Variants in FHOD1 observed in about 807,000 individuals in gnomAD.
FHOD1 encodes FH1/FH2 domain-containing protein 1.
A neutral mutation model predicts 111.6 loss-of-function variants in FHOD1; 89 were observed. That is an observed-to-expected ratio of 0.80 (90% confidence interval 0.67 to 0.95). FHOD1 has a LOEUF of 0.95. Among genes scored for constraint, FHOD1 ranks in the 40% least tolerant of loss-of-function variants. The probability of loss-of-function intolerance (pLI) is 0.00; values close to 1 mark genes in which losing one functional copy is unlikely to be tolerated. For synonymous variants in FHOD1, 618 were observed against 639.0 expected, an observed-to-expected ratio of 0.97 and a Z score of 0.50; for missense variants, 1,446 against 1,554.2, an observed-to-expected ratio of 0.93 and a Z score of 1.17.
At chr16:67,246,682 G>T (rs750616840) in intron 1 of FHOD1, among the ~76,000 whole-genome samples, 1 of 152,196 alleles carries the variant, frequency 6.6e-6, no homozygotes, top group Non-Finnish European at 1.5e-5. Flanking sequence ...CTCACCCCGT[G>T]AAGTCTCTCC....
At position 67,237,403 on chromosome 16, in the gene FHOD1, G is replaced by T. The variant is rs375478620; in HGVS notation, c.850-21C>A. ...AGCGTCTGGAGGGCGGGGATAAGAA[G>T]GCAAGGCTGAGGTTGGTGGGGAGGT... On this transcript the variant is annotated intron_variant, in intron 8 of 21. Coordinates refer to ENST00000258201, the MANE Select transcript of FHOD1 (RefSeq NM_013241.3). This position sits in a 1 kb window ranked among gnomAD's most constrained non-coding sequence, Gnocchi z 5.6. 88 of 1,613,818 alleles carry T rather than the reference G, an allele frequency of 5.5e-5. No individual in the cohort carries two copies. Among genetic ancestry groups the T allele is most frequent in the Middle Eastern group, 1.6e-4 (1 of 6,062 alleles).
chr16:67,238,441 A>G lies in FHOD1; in HGVS notation c.380T>C (p.Leu127Pro), dbSNP rs1267728082. 1.2e-6 allele frequency: 2 copies of G among 1,613,720 alleles called. No individual in the cohort carries two copies. The highest frequency in any genetic ancestry group is 1.7e-6 in the Non-Finnish European group (2 of 1,179,824). ...SVRVNAILEK[L>P]YSSSGPELRR... ...GAGCTCAGGACCACTGGAGCTATACAGCTTTTCTGCAAAAGGTAGGGTATA... is the reference window on the plus strand; with the variant it reads ...GAGCTCAGGACCACTGGAGCTATACGGCTTTTCTGCAAAAGGTAGGGTATA... Residue 127 changes from leucine to proline, a missense_variant, in exon 4 of 22, where the codon CTG (leucine) becomes CCG (proline). Coordinates refer to ENST00000258201, the MANE Select transcript of FHOD1 (RefSeq NM_013241.3). This position sits in a 1 kb window ranked among gnomAD's most constrained non-coding sequence, Gnocchi z 4.2.
rs2034474473 is a variant in FHOD1, at chr16:67,236,359, A to T, written c.1319+198T>A. The T allele has an allele frequency of 8.4e-6, 12 of 1,429,966 alleles. No homozygotes were observed. In the South Asian group the frequency reaches 1.8e-4, roughly 21 times the overall value. The allele number at this position is 1,429,966 out of a possible 1,614,324, so 88.6% of individuals were successfully genotyped here. A position where few individuals can be genotyped will look rare whatever the true frequency, so the allele number is the denominator to read the frequency against. ...CGTCGGAGGAGACAAAGGAAACCAC[A>T]GGAGGAGGAGATCCAGTCAGAGCCG... On this transcript the variant is annotated intron_variant, in intron 11 of 21. Transcript: ENST00000258201.
chr16:67,247,401 C>T lies in FHOD1; in HGVS notation c.10G>A (p.Gly4Arg). Residue 4 changes from glycine (G) to arginine (R), a missense_variant, in exon 1 of 22, where the codon GGG (glycine) becomes AGG (arginine). Gly to Arg is a moderately radical substitution (Grantham distance 125). Transcript: ENST00000258201. MAGGEDRGDGEPVS... is the reference protein window; with the variant it reads MAGREDRGDGEPVS... ...GGCTCTCCGTCCCCGCGGTCTTCCC[C>T]GCCCGCCATGGCTCTGCGGCCGGCT... 3.1e-6 allele frequency: 5 copies of T among 1,612,652 alleles called. No individual in the cohort carries two copies. In the South Asian group the frequency reaches 4.4e-5, roughly 14 times the overall value.
intron 11 of FHOD1, chr16:67,234,700 C>T: frequency 1.9e-6 from 1 of 526,938 alleles, no homozygotes; most frequent in South Asian, 2.8e-5. Context: ...GGTGAAAACA[C>T]AGGGAGAGGA....
chr16:67,237,183 C>G lies in FHOD1; in HGVS notation c.993+56G>C. On this transcript the variant is annotated intron_variant, in intron 9 of 21. Transcript: ENST00000258201. This position sits in a 1 kb window ranked among gnomAD's most constrained non-coding sequence, Gnocchi z 5.6. Reference sequence around the variant, plus strand: ...TGCAGGTGGGGTGGGGCGCTGGGGACTGCGCTTCTCTCTTCCCTCTTTCCA... The same window carrying G: ...TGCAGGTGGGGTGGGGCGCTGGGGAGTGCGCTTCTCTCTTCCCTCTTTCCA... The G allele has an allele frequency of 1.9e-6, 3 of 1,603,072 alleles. No homozygotes were observed. Among genetic ancestry groups the G allele is most frequent in the Non-Finnish European group, 2.6e-6 (3 of 1,172,566 alleles).
chr16:67,238,191 G>T lies in FHOD1; in HGVS notation c.547+11C>A, dbSNP rs1423842159. On this transcript the variant is annotated intron_variant, in intron 5 of 21. Coordinates refer to ENST00000258201, the MANE Select transcript of FHOD1 (RefSeq NM_013241.3). The surrounding 1 kb of genome is among the most constrained non-coding windows in gnomAD (Gnocchi z 4.2). ...CTGGAGCAGAGGTCATGGGAGAGGG[G>T]CGGGGCTGACCTCTAAGGATGTAGC... is the stretch of plus-strand genomic sequence containing the variant. The T allele has an allele frequency of 6.2e-7, 1 of 1,613,712 alleles. No individual in the cohort carries two copies. Among genetic ancestry groups the T allele is most frequent in the African/African-American group, 1.3e-5 (1 of 74,926 alleles).
At chr16:67,232,236 G>C in intron 13 of FHOD1, 42 bp from the exon 14 acceptor site, 1 of 1,606,012 alleles carries the variant, frequency 6.2e-7, no homozygotes, top group Non-Finnish European at 8.5e-7. Flanking sequence ...TGAGGAAGGG[G>C]GCCTGACGCG....
At chr16:67,239,995 A>C (rs979970579) in intron 1 of FHOD1, among the ~76,000 whole-genome samples, 1 of 152,212 alleles carries the variant, frequency 6.6e-6, no homozygotes, top group African/African-American at 2.4e-5. Flanking sequence ...GTGATAAGCT[A>C]TAGTCACAAA....
intron 13 of FHOD1, among the ~76,000 whole-genome samples, chr16:67,233,131 G>A (rs544410814): frequency 6.6e-6 from 1 of 151,598 alleles, no homozygotes; most frequent in Middle Eastern, 3.4e-3. Flanking sequence ...TTGTCCCCCA[G>A]GCTGGAGTGC....
chr16:67,229,487 CACAT>C lies in FHOD1; in HGVS notation c.*145_*148del. On this transcript the variant is annotated 3_prime_UTR_variant, in exon 22 of 22. Transcript: ENST00000258201. Reference sequence around the variant, plus strand: ...GCACACACACACATACACACACACTCACATGCATACACACACGGCTAATACTGCT... The same window carrying C: ...GCACACACACACATACACACACACTCGCATACACACACGGCTAATACTGCT... 1 of 697,518 alleles carries C rather than the reference CACAT, an allele frequency of 1.4e-6. No individual in the cohort carries two copies. The highest frequency in any genetic ancestry group is 2.6e-6 in the Non-Finnish European group (1 of 386,206). 43.2% of individuals were successfully genotyped at this position (697,518 alleles called of 1,614,324 possible).
At position 67,230,780 on chromosome 16, in the gene FHOD1, T is replaced by C. The variant is rs1313752045; in HGVS notation, c.2679A>G (p.Glu893=). The C allele has an allele frequency of 2.5e-6, 4 of 1,596,294 alleles. No homozygotes were observed. The highest frequency in any genetic ancestry group is 2.2e-5 in the East Asian group (1 of 44,690). ...GCTGCCCCAGGTTCTCAGTCAGCTG[T>C]TCAAAGTCCACCTGAGAAAGCAAGG... ...ALTRCAKVDF[E]QLTENLGQLE... The change falls in exon 18 of 22, where the codon GAA becomes GAG. Residue 893 remains glutamate, a synonymous_variant. Coordinates refer to ENST00000258201, the MANE Select transcript of FHOD1 (RefSeq NM_013241.3).
chr16:67,235,598 G>A (rs1188487727), intron 11 of FHOD1, among the ~76,000 whole-genome samples: 2 of 151,158 alleles, frequency 1.3e-5, no homozygotes, highest in African/African-American at 4.9e-5. Flanking sequence ...CTGAAATAAT[G>A]GGTGCAATCC....
chr16:67,239,447 T>C lies in FHOD1; in HGVS notation c.209A>G (p.Asp70Gly). Residue 70 changes from aspartate (D) to glycine (G), a missense_variant, in exon 2 of 22, where the codon GAT (aspartate) becomes GGT (glycine). Asp to Gly is a moderately conservative substitution (Grantham distance 94). Around this residue, in one of 3 missense-constraint regions of FHOD1, gnomAD observed 127 missense variants for 118.0 expected, o/e 1.08. Coordinates refer to ENST00000258201, the MANE Select transcript of FHOD1 (RefSeq NM_013241.3). ...GGAGGGAGACACTTGCAGAGCACAATCCTCCAACTGGGGGCAAAGGGAACA... is the reference window on the plus strand; with the variant it reads ...GGAGGGAGACACTTGCAGAGCACAACCCTCCAACTGGGGGCAAAGGGAACA... ...RLLGAPLKLE[D>G]CALQVSPSGY... 6.2e-7 allele frequency: 1 copy of C among 1,613,356 alleles called. No homozygotes were observed. The highest frequency in any genetic ancestry group is 2.2e-5 in the East Asian group (1 of 44,868).
intron 11 of FHOD1, among the ~76,000 whole-genome samples, chr16:67,235,485 A>T (rs998318059): frequency 8.6e-5 from 13 of 150,740 alleles, no homozygotes; most frequent in Non-Finnish European, 1.6e-4. Flanking sequence ...TGCTGAGATC[A>T]CACCACTGCA....
rs577798119 is a variant in FHOD1 at position 67,245,816 on chromosome 16, A to C, written c.201+1394T>G. Among the ~76,000 whole-genome samples the C allele has an allele frequency of 5.3e-5, 8 of 151,962 alleles. No homozygotes were observed. The South Asian group carries it at 1.7e-3, about 32-fold the overall frequency. On this transcript the variant is annotated intron_variant, in intron 1 of 21. Coordinates refer to ENST00000258201, the MANE Select transcript of FHOD1 (RefSeq NM_013241.3). ...TTGAGTTGCAGGATGAGAGGAATAC[A>C]ATATATTCTCTAGTGCCCCACCCTT...
At chr16:67,234,614 A>C in intron 11 of FHOD1, 142 bp from the exon 12 acceptor site, 1 of 669,338 alleles carries the variant, frequency 1.5e-6, no homozygotes, top group East Asian at 2.8e-5. Flanking sequence ...GCAGACCAGA[A>C]CCACACCCCC....
At chr16:67,232,243 C>CG in intron 13 of FHOD1, 49 bp from the exon 14 acceptor site, 2 of 1,599,880 alleles carry the variant, frequency 1.3e-6, no homozygotes, top group Non-Finnish European at 1.7e-6. Context: ...GGGGGCCTGA[C>CG]GCGGTGGCTC....
intron 2 of FHOD1, 37 bp downstream of exon 2, chr16:67,239,311 G>A (rs773201507): frequency 2.0e-6 from 3 of 1,516,058 alleles, no homozygotes; most frequent in Non-Finnish European, 1.8e-6. Flanking sequence ...GGCAAGGGTG[G>A]GGGTAACCTT....
Sources: allele counts gnomAD v4.1 joint callset (sites outside exome capture counted in the v4.1 genomes callset), GRCh38; gene constraint gnomAD v4.1.1; regional missense constraint gnomAD v4.1.1; non-coding constraint Gnocchi (gnomAD v3.1); transcripts MANE v1.5; gene names NCBI Gene and HGNC (gene_info 2026-07-23, HGNC 2026-07-21).